AKAP6: variants seen among roughly 807,000 people sequenced by gnomAD.
AKAP6 encodes the protein A-kinase anchor protein 6.
In AKAP6, 58 loss-of-function variants were observed where a neutral mutation model predicts 188.5. That is an observed-to-expected ratio of 0.31 (90% CI 0.25 to 0.38). The LOEUF (loss-of-function observed/expected upper bound fraction) is 0.38. Among genes scored for constraint, AKAP6 ranks in the 10% least tolerant of loss-of-function variants. AKAP6 has a pLI of 1.00. For synonymous variants in AKAP6, 989 were observed against 998.6 expected (o/e 0.99, Z 0.18); for missense variants, 2,710 against 2,740.0 (o/e 0.99, Z 0.24).
chr14:32,431,654 A>G (rs1890230409), intron 1 of AKAP6, among the ~76,000 whole-genome samples: 1 of 152,108 alleles, frequency 6.6e-6, no homozygotes, highest in Non-Finnish European at 1.5e-5. Context: ...CTGGGATTAC[A>G]GGTGCCTGCC....
intron 12 of AKAP6, among the ~76,000 whole-genome samples, chr14:32,816,378 T>C (rs951158233): frequency 1.3e-5 from 2 of 152,118 alleles, no homozygotes; most frequent in Non-Finnish European, 2.9e-5. Flanking sequence ...AATTTTTACA[T>C]TGAGACAGTG....
chr14:32,453,242 A>T (rs1890996410), intron 2 of AKAP6, among the ~76,000 whole-genome samples: 1 of 152,220 alleles, frequency 6.6e-6, no homozygotes, highest in South Asian at 2.1e-4. Context: ...CAGATGAGAA[A>T]GCAGAGGCCC....
At chr14:32,541,590 T>G (rs1882958511) in intron 3 of AKAP6, among the ~76,000 whole-genome samples, 1 of 152,142 alleles carries the variant, frequency 6.6e-6, no homozygotes, top group Admixed American at 6.5e-5. Flanking sequence ...TAACCTCATA[T>G]AAGCACTGCG....
intron 7 of AKAP6, among the ~76,000 whole-genome samples, chr14:32,645,521 A>T (rs893186608): frequency 3.9e-5 from 6 of 152,136 alleles, no homozygotes; most frequent in South Asian, 2.1e-4. Context: ...GGCTCACGTG[A>T]TCCTCCTTCC....
At chr14:32,614,873 A>T (rs1886494578) in intron 7 of AKAP6, among the ~76,000 whole-genome samples, 7 of 151,994 alleles carry the variant, frequency 4.6e-5, no homozygotes. Flanking sequence ...TTTCTTTCTC[A>T]AAAAGAGATA....
Position 32,600,780 on chromosome 14 carries a change from T to C in AKAP6, c.2718T>C (p.Thr906=). The change falls in exon 7 of 14, where the codon ACT becomes ACC. Residue 906 remains threonine, a synonymous_variant. Coordinates refer to ENST00000280979, the MANE Select transcript of AKAP6 (RefSeq NM_004274.5). ...TDVSVEDEEG[T]GSPKAEVQLC... is the part of the protein sequence containing the mutation. ...TGTCTGTGGAGGATGAGGAAGGGAC[T>C]GGAAGCCCCAAGGTAAGTGGCTTGA... 6.2e-7 allele frequency: 1 copy of C among 1,608,072 alleles called. No individual in the cohort carries two copies. The highest frequency in any genetic ancestry group is 1.7e-5 in the Admixed American group (1 of 59,272).
intron 7 of AKAP6, among the ~76,000 whole-genome samples, chr14:32,642,214 T>A (rs961738473): frequency 2.0e-5 from 3 of 152,220 alleles, no homozygotes; most frequent in Non-Finnish European, 4.4e-5. Flanking sequence ...GAGAACATAA[T>A]TAATGTGAAA....
chr14:32,394,367 G>A lies in AKAP6; in HGVS notation c.-34-39093G>A, dbSNP rs189809279. On this transcript the variant is annotated intron_variant, in intron 1 of 13. Transcript: ENST00000280979. ...GATTCCAAAGGAGCCTGGCAAGTAT[G>A]GTTATAACTTTAGGGAGATAAAGGT... Among the ~76,000 whole-genome samples, 321 of 152,290 alleles carry A rather than the reference G, an allele frequency of 2.1e-3. 2 individuals carry two copies. The highest frequency in any genetic ancestry group is 7.4e-3 in the African/African-American group (308 of 41,568).
chr14:32,778,860 A>G (rs879917625), intron 12 of AKAP6, among the ~76,000 whole-genome samples: 5 of 151,852 alleles, frequency 3.3e-5, no homozygotes, highest in Non-Finnish European at 5.9e-5. Flanking sequence ...AACTCTTTAA[A>G]AACATAACAA....
chr14:32,570,569 T>C (rs901160216), intron 4 of AKAP6, among the ~76,000 whole-genome samples: 12 of 152,176 alleles, frequency 7.9e-5, no homozygotes, highest in Non-Finnish European at 1.6e-4. Flanking sequence ...AATGATTTTT[T>C]TTAAATAATC....
chr14:32,812,896 A>G (rs763176835), intron 12 of AKAP6, among the ~76,000 whole-genome samples: 3 of 152,226 alleles, frequency 2.0e-5, no homozygotes, highest in South Asian at 2.1e-4. Flanking sequence ...GTTTCTCTGC[A>G]CACACTCAGA....
intron 3 of AKAP6, 143 bp downstream of exon 3, chr14:32,535,948 G>GATTCA: frequency 7.9e-7 from 1 of 1,259,746 alleles, no homozygotes; most frequent in Non-Finnish European, 1.1e-6. Flanking sequence ...ATAGTGACTA[G>GATTCA]AAGCTAGGGC....
chr14:32,706,708 G>A (rs1046459201), intron 9 of AKAP6, among the ~76,000 whole-genome samples: 1 of 152,064 alleles, frequency 6.6e-6, no homozygotes, highest in African/African-American at 2.4e-5. Flanking sequence ...AAGCACTTCT[G>A]TGACACTCTA....
At chr14:32,632,569 T>C (rs753748530) in intron 7 of AKAP6, among the ~76,000 whole-genome samples, 8 of 152,000 alleles carry the variant, frequency 5.3e-5, no homozygotes, top group Non-Finnish European at 1.0e-4. Context: ...AAATGATAAA[T>C]TTGCAGAGAT....
chr14:32,385,405 C>CTT (rs35404788), intron 1 of AKAP6, among the ~76,000 whole-genome samples: 58 of 144,664 alleles, frequency 4.0e-4, no homozygotes, highest in Middle Eastern at 3.5e-3. Flanking sequence ...ATTTTTATTT[C>CTT]TTTTTTTTTT....
At chr14:32,720,970 T>A (rs2030501867) in intron 9 of AKAP6, among the ~76,000 whole-genome samples, 1 of 152,230 alleles carries the variant, frequency 6.6e-6, no homozygotes, top group Non-Finnish European at 1.5e-5. Context: ...ACTTTTACAT[T>A]GGAAACCTTT....
chr14:32,668,170 G>C (rs560761637), intron 7 of AKAP6, among the ~76,000 whole-genome samples: 1 of 152,016 alleles, frequency 6.6e-6, no homozygotes, highest in Non-Finnish European at 1.5e-5. Flanking sequence ...TCTAATCATC[G>C]TCTTCAGTCC....
intron 2 of AKAP6, among the ~76,000 whole-genome samples, chr14:32,477,770 G>A (rs1277159907): frequency 6.6e-6 from 1 of 152,154 alleles, no homozygotes; most frequent in Non-Finnish European, 1.5e-5. Context: ...GGTTAAGAGA[G>A]TTGATTCTTG....
At chr14:32,535,519 G>A (rs773519027) in intron 2 of AKAP6, 35 bp from the exon 3 acceptor site, 1 of 1,593,082 alleles carries the variant, frequency 6.3e-7, no homozygotes, top group South Asian at 1.1e-5. Flanking sequence ...ATAAGGCAAA[G>A]TAGTCCTCAC....
Sources: allele counts gnomAD v4.1 joint callset (sites outside exome capture counted in the v4.1 genomes callset), GRCh38; gene constraint gnomAD v4.1.1; transcripts MANE v1.5; gene names NCBI Gene and HGNC (gene_info 2026-07-23, HGNC 2026-07-21).